The following ANKRD30A variants were observed in gnomAD, a reference collection of about 807,000 sequenced individuals.
The protein encoded by ANKRD30A is ankyrin repeat domain-containing protein 30A.
Under a neutral mutation model 166.3 loss-of-function variants are expected in ANKRD30A, and 170 were observed. The ratio of observed to expected loss-of-function variants is 1.02; its 90% confidence interval spans 0.90 to 1.16. ANKRD30A has a LOEUF of 1.16. ANKRD30A is among the 50% of genes most tolerant of loss of function. The pLI, the probability that ANKRD30A is intolerant of heterozygous loss-of-function variation, is 0.00. For synonymous variants in ANKRD30A, 564 were observed against 508.9 expected (o/e 1.11, Z -1.46); for missense variants, 1,630 against 1,518.0 (o/e 1.07, Z -1.23).
chr10:37,157,580 C>A (rs972203833), intron 13 of ANKRD30A, among the ~76,000 whole-genome samples: 1 of 152,066 alleles, frequency 6.6e-6, no homozygotes, highest in Non-Finnish European at 1.5e-5. Flanking sequence ...GTGATTTTGG[C>A]CAGGCTGGTT....
intron 25 of ANKRD30A, among the ~76,000 whole-genome samples, chr10:37,191,486 A>G (rs1417090160): frequency 6.6e-6 from 1 of 151,930 alleles, no homozygotes; most frequent in Non-Finnish European, 1.5e-5. Flanking sequence ...TTAAAGACAC[A>G]TGGTGTAGCA....
intron 6 of ANKRD30A, among the ~76,000 whole-genome samples, chr10:37,137,747 C>T (rs1359229707): frequency 2.0e-5 from 3 of 152,124 alleles, no homozygotes; most frequent in Non-Finnish European, 2.9e-5. Context: ...TGGGTGGAGC[C>T]CACCGCAGCT....
At chr10:37,156,388 A>G (rs1838384916) in intron 13 of ANKRD30A, among the ~76,000 whole-genome samples, 1 of 152,122 alleles carries the variant, frequency 6.6e-6, no homozygotes, top group South Asian at 2.1e-4. Context: ...AATAAAAAAA[A>G]ACTAAGGTGG....
intron 31 of ANKRD30A, among the ~76,000 whole-genome samples, chr10:37,204,930 A>T (rs1459118604): frequency 1.3e-5 from 2 of 152,200 alleles, no homozygotes; most frequent in East Asian, 3.9e-4. Context: ...AATGGCGATC[A>T]TTAAAAAGTC....
At chr10:37,179,078 A>T (rs1163449434) in intron 24 of ANKRD30A, among the ~76,000 whole-genome samples, 3 of 143,092 alleles carry the variant, frequency 2.1e-5, no homozygotes, top group Middle Eastern at 3.7e-3. Flanking sequence ...GTGTGCATGT[A>T]TGTATGTTTT....
At chr10:37,223,271 A>G (rs1284274862) in intron 34 of ANKRD30A, among the ~76,000 whole-genome samples, 1 of 151,366 alleles carries the variant, frequency 6.6e-6, no homozygotes, top group Non-Finnish European at 1.5e-5. Flanking sequence ...TGAGAAACAT[A>G]GAAAACACAT....
chr10:37,136,814 T>TGC (rs1491269217), intron 6 of ANKRD30A, 143 bp downstream of exon 6: 140 of 183,476 alleles, frequency 7.6e-4, no homozygotes, highest in Admixed American at 1.6e-3. Flanking sequence ...GGTGTGTGTA[T>TGC]GTGTGTGTGT....
At chr10:37,126,345 G>GT (rs1836009298) in intron 1 of ANKRD30A, among the ~76,000 whole-genome samples, 1 of 152,182 alleles carries the variant, frequency 6.6e-6, no homozygotes, top group Admixed American at 6.5e-5. Flanking sequence ...TACATACAGG[G>GT]TTTTACATTT....
the ANKRD30A span, among the ~76,000 whole-genome samples, chr10:37,260,179 G>GCGCT: frequency 6.6e-6 from 1 of 151,696 alleles, no homozygotes; most frequent in Non-Finnish European, 1.5e-5. Context: ...AAATAGTGTT[G>GCGCT]CGCTTGTTAG....
chr10:37,171,703 T>A (rs1488371919), intron 21 of ANKRD30A, among the ~76,000 whole-genome samples: 1 of 151,196 alleles, frequency 6.6e-6, no homozygotes, highest in Non-Finnish European at 1.5e-5. Context: ...TCTCTTTTTC[T>A]TTTTTAAAAA....
chr10:37,217,049 A>G (rs1842639593), intron 32 of ANKRD30A, among the ~76,000 whole-genome samples: 1 of 151,034 alleles, frequency 6.6e-6, no homozygotes, highest in South Asian at 2.1e-4. Flanking sequence ...TACTATTTTT[A>G]TTCTTTAATT....
intron 6 of ANKRD30A, among the ~76,000 whole-genome samples, chr10:37,139,368 A>G (rs1161758904): frequency 1.3e-5 from 2 of 152,184 alleles, no homozygotes; most frequent in Non-Finnish European, 2.9e-5. Context: ...GTGGGCATTT[A>G]TTAGTAAAGT....
intron 15 of ANKRD30A, among the ~76,000 whole-genome samples, chr10:37,161,863 G>T (rs188768917): frequency 6.6e-6 from 1 of 152,084 alleles, no homozygotes; most frequent in South Asian, 2.1e-4. Context: ...CGAACCAGAC[G>T]AATTGTAGGA....
In ANKRD30A at chr10:37,201,272, T is replaced by C. The variant is rs1455239231; in HGVS notation, c.2816T>C (p.Val939Ala). The C allele has an allele frequency of 6.3e-7, 1 of 1,595,246 alleles. No individual in the cohort carries two copies. Among genetic ancestry groups the C allele is most frequent in the Non-Finnish European group, 8.5e-7 (1 of 1,172,306 alleles). ...RETVSQKDVC[V>A]PKATHQKEMD... ...ACTGTTTCACAGAAGGATGTGTGTG[T>C]ACCCAAGGCTACACATCAAAAAGAA... The change falls in exon 31 of 36, where the codon GTA (valine) becomes GCA (alanine). Residue 939 changes from valine (V) to alanine (A), a missense_variant. Transcript: ENST00000361713.
intron 31 of ANKRD30A, among the ~76,000 whole-genome samples, chr10:37,205,550 TA>T (rs1253420190): frequency 6.6e-6 from 1 of 152,218 alleles, no homozygotes; most frequent in African/African-American, 2.4e-5. Flanking sequence ...TATACATATG[TA>T]AAAAACCTGC....
At chr10:37,256,900 G>A in the ANKRD30A span, among the ~76,000 whole-genome samples, 14 of 152,156 alleles carry the variant, frequency 9.2e-5, no homozygotes, top group Non-Finnish European at 2.1e-4. Flanking sequence ...GATGATGTTG[G>A]CCTCATAAAA....
At chr10:37,245,044 A>G in the ANKRD30A span, among the ~76,000 whole-genome samples, 1 of 152,182 alleles carries the variant, frequency 6.6e-6, no homozygotes, top group African/African-American at 2.4e-5. Context: ...TTGGAATTTC[A>G]TTGAGTTAAT....
intron 7 of ANKRD30A, among the ~76,000 whole-genome samples, chr10:37,143,491 T>C (rs2132537257): frequency 6.6e-6 from 1 of 152,182 alleles, no homozygotes; most frequent in South Asian, 2.1e-4. Context: ...TCATCTTTAC[T>C]AAAAATACAG....
At chr10:37,209,074 T>C (rs1842142368) in intron 31 of ANKRD30A, among the ~76,000 whole-genome samples, 1 of 152,176 alleles carries the variant, frequency 6.6e-6, no homozygotes, top group Non-Finnish European at 1.5e-5. Context: ...GTTTATACAC[T>C]CATCTTTCTA....
Sources: allele counts gnomAD v4.1 joint callset (sites outside exome capture counted in the v4.1 genomes callset), GRCh38; gene constraint gnomAD v4.1.1; transcripts MANE v1.5; gene names NCBI Gene and HGNC (gene_info 2026-07-23, HGNC 2026-07-21).